The following CR1L variants were observed in gnomAD, a reference collection of about 807,000 sequenced individuals.
The protein encoded by CR1L is complement C3b/C4b receptor 1 like.
In CR1L, 59 loss-of-function variants were observed where a neutral mutation model predicts 62.3. The ratio of observed to expected loss-of-function variants is 0.95; its 90% CI spans 0.77 to 1.18. The LOEUF (loss-of-function observed/expected upper bound fraction) is 1.18. Ranked by LOEUF, CR1L falls within the 50% of genes most tolerant of loss-of-function variation. CR1L has a pLI of 0.00. For synonymous variants in CR1L, 279 were observed against 248.7 expected, an observed-to-expected ratio of 1.12 and a Z score of -1.15; for missense variants, 700 against 702.8, an observed-to-expected ratio of 1.00 and a Z score of 0.04.
intron 1 of CR1L, among the ~76,000 whole-genome samples, chr1:207,664,770 T>C (rs1400502902): frequency 1.3e-5 from 2 of 152,142 alleles, no homozygotes; most frequent in Non-Finnish European, 2.9e-5. Context: ...TTTTGAAAAA[T>C]GACAAATCAA....
chr1:207,669,518 G>T, intron 1 of CR1L: 1 of 1,580,844 alleles, frequency 6.3e-7, no homozygotes, highest in Non-Finnish European at 8.6e-7. Flanking sequence ...TGCTGCGGAG[G>T]ATCCCTGCTG....
intron 9 of CR1L, among the ~76,000 whole-genome samples, chr1:207,707,795 C>CACACACACACACA (rs1664291474): frequency 2.0e-5 from 3 of 150,124 alleles, no homozygotes; most frequent in Non-Finnish European, 4.4e-5. Context: ...TACACACACA[C>CACACACACACACA]ACACACACAC....
chr1:207,713,560 G>A (rs1653875952), intron 10 of CR1L, among the ~76,000 whole-genome samples: 1 of 152,232 alleles, frequency 6.6e-6, no homozygotes, highest in Non-Finnish European at 1.5e-5. Flanking sequence ...CCAGGCTTGT[G>A]CTCTGATGCA....
At chr1:207,699,352 G>C in intron 8 of CR1L, 78 bp downstream of exon 8, 1 of 1,527,934 alleles carries the variant, frequency 6.5e-7, no homozygotes, top group Non-Finnish European at 8.9e-7. Flanking sequence ...CTCCCCTAAT[G>C]TGGTTCTTCA....
At chr1:207,659,589 C>T (rs1016713413) in intron 1 of CR1L, among the ~76,000 whole-genome samples, 6 of 152,216 alleles carry the variant, frequency 3.9e-5, no homozygotes, top group Non-Finnish European at 5.9e-5. Flanking sequence ...GTGAGATCAA[C>T]GTAGAAGACA....
At chr1:207,719,846 G>A (rs1297201531) in intron 11 of CR1L, among the ~76,000 whole-genome samples, 1 of 152,140 alleles carries the variant, frequency 6.6e-6, no homozygotes, top group Non-Finnish European at 1.5e-5. Context: ...AGAGGGTTTA[G>A]GTAACTTGCA....
rs1438397999 is a variant in CR1L, at chr1:207,683,974, A to C, written c.463+17A>C. The C allele has an allele frequency of 1.2e-6, 2 of 1,602,788 alleles. No individual in the cohort carries two copies. Among genetic ancestry groups the C allele is most frequent in the Admixed American group, 1.7e-5 (1 of 59,718 alleles). On this transcript the variant is annotated intron_variant, in intron 4 of 11. Transcript: ENST00000508064. The stretch of plus-strand genomic sequence containing the variant: ...TTTGTGACAGTGAGTTGAAATATGC[A>C]TTCCTATTTCTTTTACCGATACATT...
At chr1:207,709,649 C>G (rs1464759189) in intron 10 of CR1L, among the ~76,000 whole-genome samples, 1 of 151,920 alleles carries the variant, frequency 6.6e-6, no homozygotes, top group Non-Finnish European at 1.5e-5. Context: ...CCAGCCTGGC[C>G]AACATGGTGC....
chr1:207,706,724 T>C (rs1438155010), intron 9 of CR1L, among the ~76,000 whole-genome samples: 1 of 152,150 alleles, frequency 6.6e-6, no homozygotes, highest in Non-Finnish European at 1.5e-5. Flanking sequence ...CATTAAAGAA[T>C]AAGCAAAGAC....
intron 1 of CR1L, among the ~76,000 whole-genome samples, chr1:207,653,856 A>G (rs1470573135): frequency 6.6e-6 from 1 of 152,234 alleles, no homozygotes; most frequent in Non-Finnish European, 1.5e-5. Flanking sequence ...TATTTGGCTC[A>G]TATTTCTGGA....
At position 207,645,738 on chromosome 1, in the gene CR1L, C is replaced by T. The variant is rs543091893; in HGVS notation, c.97+408C>T. ...CCGTGGTGAGAGTTTGCCCTGTGTT[C>T]CCTTGGTGCCTTGGTGAGTAGGGTG... is the stretch of plus-strand genomic sequence containing the variant. On this transcript the variant is annotated intron_variant, in intron 1 of 11. Transcript: ENST00000508064. 2.9e-4 allele frequency among the ~76,000 whole-genome samples: 44 copies of T among 152,238 alleles called. 1 individual carries two copies. The highest frequency in any genetic ancestry group is 2.2e-4 in the African/African-American group (9 of 41,532).
chr1:207,685,604 C>T (rs1226806155), intron 4 of CR1L, among the ~76,000 whole-genome samples: 2 of 152,198 alleles, frequency 1.3e-5, no homozygotes, highest in African/African-American at 2.4e-5. Flanking sequence ...GCCAATTGGA[C>T]TCTGTCACCC....
At chr1:207,673,717 G>A (rs77380139) in intron 1 of CR1L, among the ~76,000 whole-genome samples, 5,875 of 152,214 alleles carry the variant, frequency 0.039, 181 homozygotes, top group South Asian at 0.12. Flanking sequence ...ACTGCTATTC[G>A]GCAGGTAAAA....
At chr1:207,690,520 T>C (rs1663980634) in intron 4 of CR1L, among the ~76,000 whole-genome samples, 1 of 152,244 alleles carries the variant, frequency 6.6e-6, no homozygotes, top group East Asian at 1.9e-4. Flanking sequence ...TCTAGAAATG[T>C]CATTTAGGAA....
intron 1 of CR1L, among the ~76,000 whole-genome samples, chr1:207,656,745 C>G (rs141427184): frequency 0.039 from 5,863 of 152,152 alleles, 177 homozygotes; most frequent in South Asian, 0.12. Flanking sequence ...CTCAGTATCA[C>G]GAGAACAGCA....
intron 1 of CR1L, among the ~76,000 whole-genome samples, chr1:207,656,701 T>C (rs1263529822): frequency 6.6e-6 from 1 of 151,938 alleles, no homozygotes; most frequent in Non-Finnish European, 1.5e-5. Flanking sequence ...ACGGGAGGTG[T>C]TGCGCACTTT....
chr1:207,716,205 T>C (rs1653995259), intron 10 of CR1L, among the ~76,000 whole-genome samples: 1 of 152,012 alleles, frequency 6.6e-6, no homozygotes, highest in African/African-American at 2.4e-5. Context: ...AACAATAAAA[T>C]AAGAAAACAA....
intron 1 of CR1L, among the ~76,000 whole-genome samples, chr1:207,667,253 AT>A (rs1300821150): frequency 1.3e-5 from 2 of 152,198 alleles, no homozygotes; most frequent in Non-Finnish European, 2.9e-5. Context: ...ACACAAATCT[AT>A]TCTTTCACAT....
chr1:207,705,839 C>T (rs892275550), intron 9 of CR1L, among the ~76,000 whole-genome samples: 4 of 151,722 alleles, frequency 2.6e-5, no homozygotes, highest in African/African-American at 7.3e-5. Context: ...AGATTTACTG[C>T]CAGGAAACCA....
Sources: gnomAD v4.1 joint callset for allele counts (sites outside exome capture counted in the v4.1 genomes callset) on GRCh38, gnomAD v4.1.1 for gene constraint, MANE v1.5 for transcripts, NCBI Gene and HGNC (gene_info 2026-07-23, HGNC 2026-07-21) for gene names.